Variants in DGKB observed in about 807,000 individuals in gnomAD.
DGKB encodes the protein diacylglycerol kinase beta, also known as 90 kDa diacylglycerol kinase.
Under a neutral mutation model 114.3 loss-of-function variants are expected in DGKB, and 67 were observed. That is an observed-to-expected ratio of 0.59 (90% CI 0.48 to 0.72). DGKB has a LOEUF of 0.72. Among genes scored for constraint, DGKB ranks in the 30% least tolerant of loss-of-function variants. The pLI is 0.00. For missense variants in DGKB, 907 were observed against 975.2 expected (o/e 0.93, Z 0.93); for synonymous variants, 398 against 323.1 (o/e 1.23, Z -2.49).
chr7:14,506,654 A>G (rs1246223839), intron 20 of DGKB, among the ~76,000 whole-genome samples: 1 of 152,152 alleles, frequency 6.6e-6, no homozygotes, highest in Non-Finnish European at 1.5e-5. Context: ...CCACGCACTA[A>G]CCTCTGAGGG....
chr7:14,871,706 T>A lies in DGKB; in HGVS notation c.-187-30256A>T, dbSNP rs138832143. ...ACACGCAGCTCACTCATCTATCAAATCATTAATAAGCATTTGTGAGCTTTT... is the reference window on the plus strand; with the variant it reads ...ACACGCAGCTCACTCATCTATCAAAACATTAATAAGCATTTGTGAGCTTTT... On this transcript the variant is annotated intron_variant, in intron 1 of 25. Transcript: ENST00000402815. 2.4e-3 allele frequency among the ~76,000 whole-genome samples: 358 copies of A among 152,258 alleles called. 2 individuals carry two copies. The highest frequency in any genetic ancestry group is 8.2e-3 in the African/African-American group (340 of 41,554).
chr7:14,233,079 A>G (rs971690456), intron 23 of DGKB, among the ~76,000 whole-genome samples: 1 of 152,090 alleles, frequency 6.6e-6, no homozygotes, highest in Non-Finnish European at 1.5e-5. Context: ...TTGCAAAAAG[A>G]GAGTAATTTC....
At chr7:14,821,743 G>T (rs2128103465) in intron 2 of DGKB, among the ~76,000 whole-genome samples, 1 of 152,140 alleles carries the variant, frequency 6.6e-6, no homozygotes, top group Middle Eastern at 3.4e-3. Flanking sequence ...TGACATAGTT[G>T]GATTTATATT....
intron 1 of DGKB, among the ~76,000 whole-genome samples, chr7:14,861,210 A>G (rs1850929820): frequency 6.6e-6 from 1 of 151,982 alleles, no homozygotes. Context: ...TATATTTCAT[A>G]TTCTCTAAAC....
intron 13 of DGKB, among the ~76,000 whole-genome samples, chr7:14,639,470 C>A (rs889370308): frequency 1.3e-5 from 2 of 152,180 alleles, no homozygotes; most frequent in Non-Finnish European, 2.9e-5. Flanking sequence ...GAGCAACTAT[C>A]ACCAGCTGCT....
chr7:14,853,855 G>A (rs1228059628), intron 1 of DGKB, among the ~76,000 whole-genome samples: 3 of 114,702 alleles, frequency 2.6e-5, no homozygotes, highest in African/African-American at 1.0e-4. Flanking sequence ...GCGACAGACC[G>A]AGACTCCGTC....
At chr7:14,429,910 G>A (rs1009317220) in intron 21 of DGKB, among the ~76,000 whole-genome samples, 12 of 140,854 alleles carry the variant, frequency 8.5e-5, no homozygotes, top group African/African-American at 3.2e-4. Context: ...CTGGGCTACA[G>A]AGTGAGACTC....
At chr7:14,963,279 G>A (rs1786965249) in intron 1 of DGKB, among the ~76,000 whole-genome samples, 1 of 152,014 alleles carries the variant, frequency 6.6e-6, no homozygotes, top group African/African-American at 2.4e-5. Context: ...AGCTTTGGAA[G>A]GACAAAATAA....
At chr7:14,251,835 T>C (rs1795286478) in intron 23 of DGKB, among the ~76,000 whole-genome samples, 1 of 152,172 alleles carries the variant, frequency 6.6e-6, no homozygotes, top group African/African-American at 2.4e-5. Context: ...TCTCCTTTCC[T>C]GGCCTGCAAG....
chr7:14,786,748 CCT>C lies in DGKB; in HGVS notation c.71-29019_71-29018del, dbSNP rs201521393. ...TGGGGTGACACTGACACATCAGCCC[CCT>C]GTCACCTCAGCCCCCTCCAGATTTT... On this transcript the variant is annotated intron_variant, in intron 2 of 25. Transcript: ENST00000402815. 7.0e-3 allele frequency among the ~76,000 whole-genome samples: 1,023 copies of C among 146,206 alleles called. 13 individuals carry two copies. Among genetic ancestry groups the C allele is most frequent in the African/African-American group, 0.027 (965 of 35,756 alleles).
Position 14,413,597 on chromosome 7 carries a change from G to A in DGKB, c.1835+64564C>T, listed in dbSNP as rs75718718. Reference sequence around the variant, plus strand: ...ATTCCAGGTAAAGGAGAAGAAGCCTGAAGCGGGATAGAGTAGGAGATATAA... The same window carrying A: ...ATTCCAGGTAAAGGAGAAGAAGCCTAAAGCGGGATAGAGTAGGAGATATAA... On this transcript the variant is annotated intron_variant, in intron 21 of 25. Coordinates refer to ENST00000402815, the MANE Select transcript of DGKB (RefSeq NM_001350709.2). Among the ~76,000 whole-genome samples the A allele has an allele frequency of 9.2e-3, 1,398 of 152,164 alleles. 25 individuals are homozygous for A. The highest frequency in any genetic ancestry group is 0.032 in the African/African-American group (1,336 of 41,526).
chr7:14,774,251 A>C (rs1486462968), intron 2 of DGKB, among the ~76,000 whole-genome samples: 1 of 152,240 alleles, frequency 6.6e-6, no homozygotes, highest in Non-Finnish European at 1.5e-5. Context: ...GATTTGGAGA[A>C]AAGCTATCTA....
chr7:14,237,775 C>T (rs1412598088), intron 23 of DGKB, among the ~76,000 whole-genome samples: 2 of 151,630 alleles, frequency 1.3e-5, no homozygotes, highest in Non-Finnish European at 2.9e-5. Flanking sequence ...TTTTAATTTG[C>T]CTGTTTAAGA....
chr7:14,256,701 A>T (rs1016656178), intron 23 of DGKB, among the ~76,000 whole-genome samples: 7 of 152,214 alleles, frequency 4.6e-5, no homozygotes, highest in African/African-American at 1.7e-4. Flanking sequence ...ATACTCAGTA[A>T]AGGCAGAAGA....
intron 13 of DGKB, among the ~76,000 whole-genome samples, chr7:14,643,900 G>A (rs771705727): frequency 6.6e-6 from 1 of 152,108 alleles, no homozygotes; most frequent in Non-Finnish European, 1.5e-5. Context: ...CTCTCCAATA[G>A]TGGGGCTGCT....
chr7:14,325,801 G>T (rs537471978), intron 23 of DGKB, among the ~76,000 whole-genome samples: 13 of 152,160 alleles, frequency 8.5e-5, no homozygotes, highest in South Asian at 6.2e-4. Flanking sequence ...AAGGGCTACT[G>T]GTCCACGGTT....
At position 14,301,769 on chromosome 7, in the gene DGKB, A is replaced by G. The variant is rs76694143; in HGVS notation, c.2122+36746T>C. ...AAAAAAATGGTGTTACCATCTGGCT[A>G]AAGATGGAGATCTGGAGAGGTGGGC... On this transcript the variant is annotated intron_variant, in intron 23 of 25. Coordinates refer to ENST00000402815, the MANE Select transcript of DGKB (RefSeq NM_001350709.2). Among the ~76,000 whole-genome samples the G allele has an allele frequency of 2.3e-4, 35 of 152,238 alleles. No homozygotes were observed. In the East Asian group the frequency reaches 6.4e-3, roughly 28 times the overall value.
chr7:14,324,840 G>C (rs199865148), intron 23 of DGKB, among the ~76,000 whole-genome samples: 1 of 2,886 alleles, frequency 3.5e-4, no homozygotes, highest in Non-Finnish European at 5.7e-4. Flanking sequence ...ATGAGACAAT[G>C]GACGCTTCTG....
chr7:14,333,541 T>A (rs1810118900), intron 23 of DGKB, among the ~76,000 whole-genome samples: 1 of 152,128 alleles, frequency 6.6e-6, no homozygotes. Flanking sequence ...CGATAGTATC[T>A]TATTTTTCAT....
Sources: allele counts gnomAD v4.1 joint callset (sites outside exome capture counted in the v4.1 genomes callset), GRCh38; gene constraint gnomAD v4.1.1; transcripts MANE v1.5; gene names NCBI Gene and HGNC (gene_info 2026-07-23, HGNC 2026-07-21).